Variants in PIGX observed in about 807,000 individuals in gnomAD.
PIGX encodes the protein phosphatidylinositol glycan anchor biosynthesis class X, also known as GPI alpha-1,4-mannosyltransferase I, stabilizing subunit.
In PIGX, 24 loss-of-function variants were observed where a neutral mutation model predicts 28.7. That is an observed-to-expected ratio of 0.84 (90% CI 0.60 to 1.17). PIGX has a LOEUF of 1.17. Ranked by LOEUF, PIGX falls within the 50% of genes most tolerant of loss-of-function variation. The pLI is 0.00. For missense variants in PIGX, 305 were observed against 317.8 expected (o/e 0.96, Z 0.31); for synonymous variants, 127 against 121.0 (o/e 1.05, Z -0.33).
chr3:196,719,866 T>C (rs1011033846), intron 2 of PIGX, among the ~76,000 whole-genome samples: 10 of 152,244 alleles, frequency 6.6e-5, no homozygotes, highest in Middle Eastern at 3.4e-3. Flanking sequence ...CTCGGCGCAC[T>C]GCAACTTCCG....
intron 1 of PIGX, chr3:196,712,935 A>T: frequency 3.9e-6 from 4 of 1,016,752 alleles, no homozygotes; most frequent in Non-Finnish European, 4.7e-6. Context: ...GCGTCTTGGG[A>T]TGCTCTTGAG....
chr3:196,723,792 C>T (rs1392517538), intron 3 of PIGX, among the ~76,000 whole-genome samples: 1 of 151,886 alleles, frequency 6.6e-6, no homozygotes, highest in African/African-American at 2.4e-5. Context: ...CAGTTTATTT[C>T]TAATCGTGGT....
intron 2 of PIGX, among the ~76,000 whole-genome samples, chr3:196,722,166 T>G (rs1342736844): frequency 6.6e-6 from 1 of 152,250 alleles, no homozygotes; most frequent in Non-Finnish European, 1.5e-5. Flanking sequence ...GTGTGAATGT[T>G]ATTGGATTCC....
rs1712799149 is a variant in PIGX at position 196,732,221 on chromosome 3, TATATATATATATATA to T, written c.633+1130_633+1144del. On this transcript the variant is annotated intron_variant, in intron 5 of 5. Transcript: ENST00000392391. The stretch of plus-strand genomic sequence containing the variant: ...TAACTATATGTATATATTATTTATA[TATATATATATATATA>T]TATATATATATATATATATATTTTA... 4.8e-4 allele frequency among the ~76,000 whole-genome samples: 11 copies of T among 23,070 alleles called. 1 individual carries two copies. Among genetic ancestry groups the T allele is most frequent in the South Asian group, 1.1e-3 (1 of 912 alleles). 15.1% of individuals were successfully genotyped at this position (23,070 alleles called of 152,430 possible). A position where few individuals can be genotyped will look rare whatever the true frequency, so the allele number is the denominator to read the frequency against.
intron 5 of PIGX, among the ~76,000 whole-genome samples, chr3:196,732,247 TATATATATATTTTATTTTA>T (rs1712818173): frequency 1.5e-4 from 6 of 39,724 alleles, no homozygotes; most frequent in African/African-American, 2.8e-4. Context: ...TATATATATA[TATATATATATTTTATTTTA>T]TTTTATTTTT....
chr3:196,716,147 C>T lies in PIGX; in HGVS notation c.113-711C>T, dbSNP rs983307134. The stretch of plus-strand genomic sequence containing the variant: ...CCCACCTCAAGTGCGAGCTGGCACA[C>T]CTGGCTCAGAGTAACAGCTTGAGTG... On this transcript the variant is annotated intron_variant, in intron 1 of 5. Transcript: ENST00000392391. 3.3e-5 allele frequency among the ~76,000 whole-genome samples: 5 copies of T among 152,266 alleles called. No homozygotes were observed. In the East Asian group the frequency reaches 5.8e-4, roughly 18 times the overall value.
At chr3:196,727,322 T>C (rs955758634) in intron 3 of PIGX, among the ~76,000 whole-genome samples, 1 of 152,236 alleles carries the variant, frequency 6.6e-6, no homozygotes, top group Non-Finnish European at 1.5e-5. Context: ...ACATTTTCAC[T>C]TTTGGTGTAG....
intron 4 of PIGX, chr3:196,728,357 A>G: frequency 3.4e-6 from 2 of 591,066 alleles, no homozygotes; most frequent in East Asian, 5.6e-5. Flanking sequence ...AGAAACATGC[A>G]TCTGCCATCC....
chr3:196,734,253 A>T lies in PIGX; in HGVS notation c.*351A>T. The T allele has an allele frequency of 5.4e-6, 1 of 184,712 alleles. No homozygotes were observed. Among genetic ancestry groups the T allele is most frequent in the South Asian group, 1.2e-4 (1 of 8,230 alleles). The allele number at this position is 184,712 out of a possible 1,614,324, so 11.4% of individuals were successfully genotyped here. ...TTTGCAAGTACTTTCAATTTAAGCT[A>T]CAAATTGAGAAAACCGTTATAAATA... On this transcript the variant is annotated 3_prime_UTR_variant, in exon 6 of 6. Coordinates refer to ENST00000392391, the MANE Select transcript of PIGX (RefSeq NM_017861.4).
At chr3:196,720,496 C>T (rs1712280315) in intron 2 of PIGX, among the ~76,000 whole-genome samples, 1 of 152,148 alleles carries the variant, frequency 6.6e-6, no homozygotes, top group African/African-American at 2.4e-5. Flanking sequence ...CAAATAATGC[C>T]GTTGTGAACA....
At position 196,727,955 on chromosome 3, in the gene PIGX, G is replaced by C; in HGVS notation, c.351G>C (p.Glu117Asp). Residue 117 changes from glutamate (E) to aspartate (D), a missense_variant, in exon 4 of 6, where the codon GAG becomes GAC. Physicochemically the swap from Glu to Asp is conservative, Grantham distance 45. Coordinates refer to ENST00000392391, the MANE Select transcript of PIGX (RefSeq NM_017861.4). ...TGGTTTCAGAAAATTTTGATATAGAGGCCCCTAACTATTTGTCCAAGGAGT... is the reference window on the plus strand; with the variant it reads ...TGGTTTCAGAAAATTTTGATATAGACGCCCCTAACTATTTGTCCAAGGAGT... 1.9e-6 allele frequency: 3 copies of C among 1,612,648 alleles called. No homozygotes were observed. Among genetic ancestry groups the C allele is most frequent in the Non-Finnish European group, 2.5e-6 (3 of 1,178,854 alleles).
rs1712598259 is a variant in PIGX, at chr3:196,728,106, A to C, written c.502A>C (p.Asn168His). The change falls in exon 4 of 6, where the codon AAC becomes CAC. Residue 168 changes from asparagine (N) to histidine (H), a missense_variant. Physicochemically the swap from Asn to His is moderately conservative, Grantham distance 68. Transcript: ENST00000392391. ...TGGAGAAGCCTCGATTGTGGTCAAT[A>C]ACCCAGATTTGTTGATGTTTTGTGA... The C allele has an allele frequency of 1.9e-6, 3 of 1,614,018 alleles. No homozygotes were observed. Among genetic ancestry groups the C allele is most frequent in the East Asian group, 4.5e-5 (2 of 44,896 alleles).
rs767114998 is a variant in PIGX at position 196,722,516 on chromosome 3, C to T, written c.278C>T (p.Pro93Leu). Residue 93 changes from proline to leucine, a missense_variant, in exon 3 of 6, where the codon CCG (proline) becomes CTG (leucine). Coordinates refer to ENST00000392391, the MANE Select transcript of PIGX (RefSeq NM_017861.4). ...ATTCCTGCAGGACTTTATGTGGATCCGTATGAGTTGGCTTCATTACGAGAG... is the reference window on the plus strand; with the variant it reads ...ATTCCTGCAGGACTTTATGTGGATCTGTATGAGTTGGCTTCATTACGAGAG... 8.1e-6 allele frequency: 13 copies of T among 1,613,452 alleles called. No homozygotes were observed. In the East Asian group the frequency reaches 1.1e-4, roughly 14 times the overall value.
intron 4 of PIGX, chr3:196,728,429 T>A: frequency 1.7e-6 from 1 of 589,450 alleles, no homozygotes. Context: ...CCCACCATCC[T>A]GACTGTTAAA....
At chr3:196,727,457 C>T (rs575687689) in intron 3 of PIGX, among the ~76,000 whole-genome samples, 17 of 152,182 alleles carry the variant, frequency 1.1e-4, no homozygotes, top group East Asian at 5.8e-4. Flanking sequence ...ACTTCCTGAC[C>T]GCAGTGCTCT....
Position 196,732,242 on chromosome 3 carries a change from A to T in PIGX, c.633+1150A>T, listed in dbSNP as rs1306504093. ...TATATATATATATATATATATATAT[A>T]TATATATATATATATTTTATTTTAT... On this transcript the variant is annotated intron_variant, in intron 5 of 5. Coordinates refer to ENST00000392391, the MANE Select transcript of PIGX (RefSeq NM_017861.4). 7.3e-4 allele frequency among the ~76,000 whole-genome samples: 28 copies of T among 38,266 alleles called. 1 individual carries two copies. The highest frequency in any genetic ancestry group is 1.9e-3 in the African/African-American group (14 of 7,350). 25.1% of individuals were successfully genotyped at this position (38,266 alleles called of 152,430 possible). A position where few individuals can be genotyped will look rare whatever the true frequency, so the allele number is the denominator to read the frequency against.
chr3:196,720,199 A>G (rs1712269118), intron 2 of PIGX, among the ~76,000 whole-genome samples: 1 of 152,202 alleles, frequency 6.6e-6, no homozygotes, highest in South Asian at 2.1e-4. Flanking sequence ...CTCCTTGCCT[A>G]TTGAGCAATA....
chr3:196,732,522 C>T (rs1308813045), intron 5 of PIGX, among the ~76,000 whole-genome samples: 11 of 151,298 alleles, frequency 7.3e-5, no homozygotes, highest in African/African-American at 1.5e-4. Flanking sequence ...CCTCATGATC[C>T]GCCTGCCTCA....
intron 4 of PIGX, among the ~76,000 whole-genome samples, chr3:196,730,093 A>G (rs3850648): frequency 0.72 from 109,782 of 151,452 alleles, 39,836 homozygotes; most frequent in Admixed American, 0.75. Flanking sequence ...AGTTAGTAGC[A>G]CTGTTACTAA....
Sources: allele counts gnomAD v4.1 joint callset (sites outside exome capture counted in the v4.1 genomes callset), GRCh38; gene constraint gnomAD v4.1.1; transcripts MANE v1.5; gene names NCBI Gene and HGNC (gene_info 2026-07-23, HGNC 2026-07-21).